GLI2: variants seen among roughly 807,000 people sequenced by gnomAD.
The protein encoded by GLI2 is GLI family zinc finger 2, also known as transcription activator GLI2.
Under a neutral mutation model 78.9 loss-of-function variants are expected in GLI2, and 22 were observed. The observed-to-expected ratio is 0.28, with a 90% confidence interval of 0.20 to 0.40. The LOEUF is 0.40. Ranked by LOEUF, GLI2 falls within the 10% of genes least tolerant of loss-of-function variation. GLI2 has a pLI of 1.00. For synonymous variants in GLI2, 974 were observed against 963.7 expected, an observed-to-expected ratio of 1.01 and a Z score of -0.20; for missense variants, 2,097 against 2,213.2, an observed-to-expected ratio of 0.95 and a Z score of 1.05.
At chr2:120,902,855 A>G (rs936214224) in intron 2 of GLI2, among the ~76,000 whole-genome samples, 5 of 152,208 alleles carry the variant, frequency 3.3e-5, no homozygotes, top group Admixed American at 2.0e-4. Context: ...TTAGGCTCCC[A>G]AGGAGAAATG....
At chr2:120,861,761 C>A (rs973738756) in intron 2 of GLI2, among the ~76,000 whole-genome samples, 1 of 152,168 alleles carries the variant, frequency 6.6e-6, no homozygotes, top group East Asian at 1.9e-4. Context: ...GGCTGTCCAC[C>A]GCAGAAATGT....
intron 5 of GLI2, among the ~76,000 whole-genome samples, chr2:120,960,700 G>A (rs1258568589): frequency 2.0e-5 from 3 of 152,250 alleles, no homozygotes; most frequent in Non-Finnish European, 4.4e-5. Flanking sequence ...ACACACTGCA[G>A]TGGTGGAAGA....
intron 2 of GLI2, among the ~76,000 whole-genome samples, chr2:120,913,043 A>C (rs1482360383): frequency 6.6e-6 from 1 of 152,246 alleles, no homozygotes; most frequent in African/African-American, 2.4e-5. Flanking sequence ...CTGTGTTTTC[A>C]TCAGTAAATG....
rs1682817476 is a variant in GLI2, at chr2:120,750,081, G to T, written c.-31+13796G>T. On this transcript the variant is annotated intron_variant, in intron 1 of 13. Coordinates refer to ENST00000361492, the MANE Select transcript of GLI2 (RefSeq NM_001374353.1). Reference sequence around the variant, plus strand: ...GACATGAGCCTCTGCCTCATCCTCTGAGGGGAGGGCAGGGCGCAGGCTTTG... The same window carrying T: ...GACATGAGCCTCTGCCTCATCCTCTTAGGGGAGGGCAGGGCGCAGGCTTTG... Among the ~76,000 whole-genome samples, 4 of 152,244 alleles carry T rather than the reference G, an allele frequency of 2.6e-5. No individual in the cohort carries two copies. The South Asian group carries it at 8.3e-4, about 32-fold the overall frequency.
In GLI2 at chr2:120,982,883, A is replaced by C; in HGVS notation, c.1632+3A>C. 6.2e-7 allele frequency: 1 copy of C among 1,613,532 alleles called. No homozygotes were observed. Among genetic ancestry groups the C allele is most frequent in the Non-Finnish European group, 8.5e-7 (1 of 1,179,714 alleles). ...AGAATCGCACCCACTCCAACGAGGT[A>C]CCTCTGCGGGGCATGCACTGGGCAT... On this transcript the variant is annotated splice_donor_region_variant and intron_variant, in intron 11 of 13. Transcript: ENST00000361492.
At chr2:120,799,740 G>A (rs899197500) in intron 2 of GLI2, among the ~76,000 whole-genome samples, 2 of 152,196 alleles carry the variant, frequency 1.3e-5, no homozygotes, top group Non-Finnish European at 2.9e-5. Context: ...GTTACTGGAT[G>A]GTGGCAGAGG....
chr2:120,841,760 T>G (rs1432373065), intron 2 of GLI2, among the ~76,000 whole-genome samples: 1 of 152,028 alleles, frequency 6.6e-6, no homozygotes, highest in Non-Finnish European at 1.5e-5. Context: ...GGCCTGTCCC[T>G]AGATTCCAGT....
chr2:120,775,858 C>T (rs1184786503), intron 1 of GLI2, among the ~76,000 whole-genome samples: 2 of 152,210 alleles, frequency 1.3e-5, no homozygotes, highest in East Asian at 3.9e-4. Context: ...TACAGGGGCA[C>T]AGGGGATGGG....
chr2:120,932,878 G>A (rs1680010992), intron 3 of GLI2, among the ~76,000 whole-genome samples: 1 of 152,206 alleles, frequency 6.6e-6, no homozygotes, highest in African/African-American at 2.4e-5. Flanking sequence ...GGCACAGAAG[G>A]TGGGGGATGG....
At chr2:120,824,906 G>A (rs1358022132) in intron 2 of GLI2, among the ~76,000 whole-genome samples, 1 of 152,122 alleles carries the variant, frequency 6.6e-6, no homozygotes. Flanking sequence ...CACAATCGTG[G>A]CCCACTGTAG....
At chr2:120,968,594 T>G in intron 5 of GLI2, 120 bp from the exon 6 acceptor site, 1 of 790,618 alleles carries the variant, frequency 1.3e-6, no homozygotes, top group East Asian at 2.6e-5. Flanking sequence ...AGCTGGAAAG[T>G]CGGCAAAGCT....
intron 1 of GLI2, among the ~76,000 whole-genome samples, chr2:120,749,508 A>G (rs1425493845): frequency 6.6e-6 from 1 of 152,178 alleles, no homozygotes; most frequent in African/African-American, 2.4e-5. Flanking sequence ...GGAATTGGAA[A>G]GTTGGTGAGA....
intron 2 of GLI2, among the ~76,000 whole-genome samples, chr2:120,825,950 G>A (rs1239049587): frequency 6.6e-6 from 1 of 152,266 alleles, no homozygotes; most frequent in Non-Finnish European, 1.5e-5. Context: ...CACTCCAGCT[G>A]TGGCCCAGCA....
chr2:120,888,387 C>G (rs1232515931), intron 2 of GLI2, among the ~76,000 whole-genome samples: 1 of 152,230 alleles, frequency 6.6e-6, no homozygotes, highest in African/African-American at 2.4e-5. Context: ...CTCATCGTCC[C>G]CGAGCATTAG....
chr2:120,957,518 A>G (rs945546104), intron 5 of GLI2, among the ~76,000 whole-genome samples: 6 of 152,246 alleles, frequency 3.9e-5, no homozygotes, highest in Non-Finnish European at 7.3e-5. Context: ...ATCATGTGCA[A>G]ATTGCCACAC....
intron 3 of GLI2, among the ~76,000 whole-genome samples, chr2:120,934,271 C>A (rs1680088794): frequency 6.6e-6 from 1 of 152,226 alleles, no homozygotes; most frequent in Non-Finnish European, 1.5e-5. Context: ...ACAGACAAGT[C>A]CCTCCTAAAC....
intron 1 of GLI2, among the ~76,000 whole-genome samples, chr2:120,776,107 A>G (rs1251911516): frequency 6.6e-6 from 1 of 152,134 alleles, no homozygotes; most frequent in African/African-American, 2.4e-5. Context: ...AGCCCGGACC[A>G]CCCCCATCAG....
At chr2:120,915,380 T>A (rs1036022687) in intron 2 of GLI2, among the ~76,000 whole-genome samples, 3 of 151,990 alleles carry the variant, frequency 2.0e-5, no homozygotes, top group Non-Finnish European at 1.5e-5. Context: ...TCCCCCCACG[T>A]TTTTCCCCCA....
chr2:120,871,363 G>A (rs1573512407), intron 2 of GLI2, among the ~76,000 whole-genome samples: 1 of 152,198 alleles, frequency 6.6e-6, no homozygotes. Context: ...GAGGATGCAC[G>A]GGAGCTGGCT....
Sources: allele counts gnomAD v4.1 joint callset (sites outside exome capture counted in the v4.1 genomes callset), GRCh38; gene constraint gnomAD v4.1.1; transcripts MANE v1.5; gene names NCBI Gene and HGNC (gene_info 2026-07-23, HGNC 2026-07-21).